The following ABCA4 variants were observed in gnomAD, a reference collection of about 807,000 sequenced individuals.
ABCA4 encodes the protein retinal-specific phospholipid-transporting ATPase ABCA4.
Under a neutral mutation model 263.7 loss-of-function variants are expected in ABCA4, and 196 were observed. The ratio of observed to expected loss-of-function variants is 0.74; its 90% CI spans 0.66 to 0.84. The LOEUF (loss-of-function observed/expected upper bound fraction) is 0.84. Among genes scored for constraint, ABCA4 ranks in the 40% least tolerant of loss-of-function variants. The probability of loss-of-function intolerance (pLI) is 0.00; values close to 1 mark genes in which losing one functional copy is unlikely to be tolerated. For synonymous variants in ABCA4, 1,133 were observed against 1,094.2 expected (o/e 1.04, Z -0.70); for missense variants, 2,792 against 2,855.1 (o/e 0.98, Z 0.50).
chr1:94,011,231 C>G lies in ABCA4; in HGVS notation c.5584+31G>C, dbSNP rs372402727. 5.3e-5 allele frequency: 85 copies of G among 1,613,840 alleles called. No individual in the cohort carries two copies. In the African/African-American group the frequency reaches 1.0e-3, roughly 20 times the overall value. On this transcript the variant is annotated intron_variant, in intron 39 of 49. Transcript: ENST00000370225. ...ACCCTCCCAGCTTTGGACCCAGGGC[C>G]CATGCTCCATGGGCCTCGGCTACCA...
Position 94,111,486 on chromosome 1 carries a change from G to T in ABCA4, c.254C>A (p.Pro85His). The change falls in exon 3 of 50, where the codon CCC becomes CAC. Residue 85 changes from proline (P) to histidine (H), a missense_variant. Coordinates refer to ENST00000370225, the MANE Select transcript of ABCA4 (RefSeq NM_000350.3). ...CNVNNPCFQS[P>H]TPGESPGIVS... ...AATTCCAGGAGATTCTCCTGGGGTG[G>T]GGCTTTGAAAACAGGGATTGTTCAC... The T allele has an allele frequency of 1.9e-6, 3 of 1,614,174 alleles. No individual in the cohort carries two copies. The highest frequency in any genetic ancestry group is 1.7e-6 in the Non-Finnish European group (2 of 1,180,016).
chr1:94,067,993 AC>A (rs1407703836), intron 11 of ABCA4, among the ~76,000 whole-genome samples: 1 of 152,200 alleles, frequency 6.6e-6, no homozygotes. Flanking sequence ...AAGTCAACAG[AC>A]TTTTAAGCCC....
At position 94,029,643 on chromosome 1, in the gene ABCA4, CA is replaced by C; in HGVS notation, c.4353-13del. ...CACAGGGGTACTCCCTCATGGAAGACAAGAAAATATTCCATAATCAGCCTCA... is the reference window on the plus strand; with the variant it reads ...CACAGGGGTACTCCCTCATGGAAGACAGAAAATATTCCATAATCAGCCTCA... On this transcript the variant is annotated splice_polypyrimidine_tract_variant and intron_variant, in intron 29 of 49. Coordinates refer to ENST00000370225, the MANE Select transcript of ABCA4 (RefSeq NM_000350.3). The C allele has an allele frequency of 6.2e-7, 1 of 1,610,650 alleles. No homozygotes were observed. The highest frequency in any genetic ancestry group is 2.2e-5 in the East Asian group (1 of 44,856).
intron 40 of ABCA4, among the ~76,000 whole-genome samples, chr1:94,010,347 C>T (rs1557763404): frequency 1.3e-5 from 2 of 151,976 alleles, no homozygotes; most frequent in South Asian, 2.1e-4. Context: ...AGTGGGGGGT[C>T]GTGATCACTG....
At position 94,082,455 on chromosome 1, in the gene ABCA4, A is replaced by T. The variant is rs17111019; in HGVS notation, c.858+897T>A. Among the ~76,000 whole-genome samples, 896 of 152,286 alleles carry T rather than the reference A, an allele frequency of 5.9e-3. 12 individuals carry two copies. The highest frequency in any genetic ancestry group is 0.046 in the East Asian group (239 of 5,184). ...TTATTGTAGTGATATAAATTTTTTT[A>T]ATGCTATGAAGAAAAGACTGTTTAA... is the stretch of plus-strand genomic sequence containing the variant. On this transcript the variant is annotated intron_variant, in intron 7 of 49. Coordinates refer to ENST00000370225, the MANE Select transcript of ABCA4 (RefSeq NM_000350.3).
intron 35 of ABCA4, 89 bp downstream of exon 35, chr1:94,021,151 C>T: frequency 1.3e-6 from 2 of 1,573,138 alleles, no homozygotes. Flanking sequence ...TCCAAATCAG[C>T]ACTTCGCGGT....
At position 94,117,075 on chromosome 1, in the gene ABCA4, C is replaced by T. The variant is rs541498234; in HGVS notation, c.66+3905G>A. Among the ~76,000 whole-genome samples the T allele has an allele frequency of 1.1e-4, 15 of 140,984 alleles. 1 individual carries two copies. The South Asian group carries it at 3.0e-3, about 28-fold the overall frequency. The allele number at this position is 140,984 out of a possible 152,430, so 92.5% of individuals were successfully genotyped here. ...CCTTTCTTTCCTTTCTCTCTCTCTT[C>T]CTCTCTCTCTCTCTCCCTCTCACCT... On this transcript the variant is annotated intron_variant, in intron 1 of 49. Transcript: ENST00000370225.
At chr1:94,060,499 G>A (rs1382108532) in intron 14 of ABCA4, 38 bp downstream of exon 14, 2 of 1,585,266 alleles carry the variant, frequency 1.3e-6, no homozygotes, top group African/African-American at 2.7e-5. Flanking sequence ...AGGAACCAAA[G>A]TATTCAAGAT....
At chr1:94,044,092 T>TTC (rs1474096834) in intron 20 of ABCA4, among the ~76,000 whole-genome samples, 53 of 16,782 alleles carry the variant, frequency 3.2e-3, no homozygotes, top group African/African-American at 3.8e-3. Context: ...CTCCCTCCCT[T>TTC]CTTTCCTTCC....
At chr1:94,046,195 C>A (rs1182483396) in intron 19 of ABCA4, among the ~76,000 whole-genome samples, 3 of 149,984 alleles carry the variant, frequency 2.0e-5, no homozygotes, top group Non-Finnish European at 4.4e-5. Context: ...GTAATCCCAG[C>A]ACTTTGGGAA....
chr1:94,043,000 G>T, intron 21 of ABCA4, 102 bp from the exon 22 acceptor site: 1 of 1,507,372 alleles, frequency 6.6e-7, no homozygotes, highest in South Asian at 1.1e-5. Context: ...ACCCAGCAGT[G>T]GTTTGGTGCT....
At chr1:94,018,824 C>T (rs1423039767) in intron 36 of ABCA4, among the ~76,000 whole-genome samples, 3 of 151,998 alleles carry the variant, frequency 2.0e-5, no homozygotes, top group East Asian at 3.9e-4. Context: ...CTCCCTACCC[C>T]CACCAACCTT....
At chr1:94,023,884 G>A (rs1571259766) in intron 31 of ABCA4, among the ~76,000 whole-genome samples, 1 of 152,276 alleles carries the variant, frequency 6.6e-6, no homozygotes, top group East Asian at 1.9e-4. Context: ...AGGGTAAAAT[G>A]ACAAAATGGG....
intron 22 of ABCA4, 127 bp from the exon 23 acceptor site, chr1:94,041,529 A>G: frequency 2.1e-6 from 2 of 970,940 alleles, no homozygotes; most frequent in Non-Finnish European, 3.1e-6. Flanking sequence ...AAAAAACCCA[A>G]GGGAACTAAT....
chr1:94,041,423 C>A, intron 22 of ABCA4, 21 bp from the exon 23 acceptor site: 3 of 1,612,592 alleles, frequency 1.9e-6, no homozygotes, highest in Non-Finnish European at 2.5e-6. Context: ...GGGGCCAGGG[C>A]AATCACCAGG....
In ABCA4 at chr1:94,010,560, G is replaced by C; in HGVS notation, c.5714+240C>G. The C allele has an allele frequency of 9.4e-6, 6 of 640,288 alleles. No individual in the cohort carries two copies. In the South Asian group the frequency reaches 1.0e-4, roughly 11 times the overall value. The allele number at this position is 640,288 out of a possible 1,614,324, so 39.7% of individuals were successfully genotyped here. Reference sequence around the variant, plus strand: ...ATTAAATGAGAAGGATTAAATATCAGCAATTGAAATTAATAGCACTGCATT... The same window carrying C: ...ATTAAATGAGAAGGATTAAATATCACCAATTGAAATTAATAGCACTGCATT... On this transcript the variant is annotated intron_variant, in intron 40 of 49. Coordinates refer to ENST00000370225, the MANE Select transcript of ABCA4 (RefSeq NM_000350.3).
intron 6 of ABCA4, among the ~76,000 whole-genome samples, chr1:94,094,751 TA>T (rs1019268239): frequency 9.9e-5 from 15 of 151,424 alleles, no homozygotes; most frequent in African/African-American, 3.4e-4. Flanking sequence ...GGAAGGATGG[TA>T]GGGGGAAGAG....
At chr1:94,103,595 A>G (rs12143393) in intron 4 of ABCA4, among the ~76,000 whole-genome samples, 37 of 152,152 alleles carry the variant, frequency 2.4e-4, no homozygotes, top group Non-Finnish European at 4.6e-4. Flanking sequence ...TCCCTCCCCC[A>G]CACAAAGGAT....
chr1:94,021,882 A>G lies in ABCA4; in HGVS notation c.4737T>C (p.Phe1579=), dbSNP rs1172116442. ...VPITGEALVG[F]LSDLGRIMNV... ...TCATGATCCGGCCAAGGTCGCTTAA[A>G]AACCCAACAAGTGCTTCCCCCGTGA... Residue 1579 remains phenylalanine (F), a synonymous_variant, in exon 33 of 50, where the codon TTT becomes TTC. Coordinates refer to ENST00000370225, the MANE Select transcript of ABCA4 (RefSeq NM_000350.3). The G allele has an allele frequency of 6.2e-6, 10 of 1,614,222 alleles. No individual in the cohort carries two copies. The highest frequency in any genetic ancestry group is 8.5e-6 in the Non-Finnish European group (10 of 1,180,038).
Sources: gnomAD v4.1 joint callset for allele counts (sites outside exome capture counted in the v4.1 genomes callset) on GRCh38, gnomAD v4.1.1 for gene constraint, MANE v1.5 for transcripts, NCBI Gene and HGNC (gene_info 2026-07-23, HGNC 2026-07-21) for gene names.